Variants in CCBE1 observed in about 807,000 individuals in gnomAD.
CCBE1 encodes the protein collagen and calcium-binding EGF domain-containing protein 1.
In CCBE1, 37 loss-of-function variants were observed where a neutral mutation model predicts 50.0. The observed-to-expected ratio is 0.74, with a 90% CI of 0.57 to 0.97. CCBE1 has a LOEUF of 0.97. CCBE1 is among the 50% of genes least tolerant of loss of function. The probability of loss-of-function intolerance (pLI) is 0.00; values close to 1 mark genes in which losing one functional copy is unlikely to be tolerated. For synonymous variants in CCBE1, 234 were observed against 203.7 expected, an observed-to-expected ratio of 1.15 and a Z score of -1.27; for missense variants, 538 against 523.8, an observed-to-expected ratio of 1.03 and a Z score of -0.26.
intron 2 of CCBE1, among the ~76,000 whole-genome samples, chr18:59,622,874 G>T (rs2053732162): frequency 6.6e-6 from 1 of 151,012 alleles, no homozygotes; most frequent in Admixed American, 6.6e-5. Context: ...AGAGAGGGAG[G>T]GATAGGGGGA....
intron 2 of CCBE1, among the ~76,000 whole-genome samples, chr18:59,622,602 A>G (rs1471328226): frequency 6.6e-6 from 1 of 151,678 alleles, no homozygotes; most frequent in Non-Finnish European, 1.5e-5. Context: ...GGAATTCTAG[A>G]CCAGCCTGAC....
At chr18:59,542,643 A>G (rs1345292939) in intron 2 of CCBE1, among the ~76,000 whole-genome samples, 3 of 152,216 alleles carry the variant, frequency 2.0e-5, no homozygotes, top group Non-Finnish European at 2.9e-5. Flanking sequence ...AAGAATTTAT[A>G]TAATAGTGCT....
chr18:59,435,899 T>TG lies in CCBE1; in HGVS notation c.*8dup. The TG allele has an allele frequency of 6.2e-7, 1 of 1,609,910 alleles. No homozygotes were observed. The highest frequency in any genetic ancestry group is 8.5e-7 in the Non-Finnish European group (1 of 1,176,224). ...TTCTCTTCCTTTGGCGTGACGGTGT[T>TG]GGGATGTGCTATGGGTAGAAGTCTC... On this transcript the variant is annotated 3_prime_UTR_variant, in exon 11 of 11. Transcript: ENST00000439986.
At position 59,488,834 on chromosome 18, in the gene CCBE1, C is replaced by T. The variant is rs1411296562; in HGVS notation, c.213-8596G>A. Among the ~76,000 whole-genome samples, 3 of 152,206 alleles carry T rather than the reference C, an allele frequency of 2.0e-5. No individual in the cohort carries two copies. The East Asian group carries it at 5.8e-4, about 29-fold the overall frequency. On this transcript the variant is annotated intron_variant, in intron 2 of 10. Transcript: ENST00000439986. ...AAGCGCTGGCATGCATCAAGCCCAACAGCACATGTAAAAAGACATCTGCTG... is the reference window on the plus strand; with the variant it reads ...AAGCGCTGGCATGCATCAAGCCCAATAGCACATGTAAAAAGACATCTGCTG...
intron 2 of CCBE1, among the ~76,000 whole-genome samples, chr18:59,641,582 T>C (rs1331864003): frequency 6.6e-6 from 1 of 152,164 alleles, no homozygotes; most frequent in East Asian, 1.9e-4. Flanking sequence ...AACCTGCACA[T>C]GTACCCCTGA....
At chr18:59,590,683 G>T (rs1337993413) in intron 2 of CCBE1, among the ~76,000 whole-genome samples, 1 of 152,186 alleles carries the variant, frequency 6.6e-6, no homozygotes, top group Non-Finnish European at 1.5e-5. Context: ...GAGACCAATG[G>T]ATTAGAGCAG....
At chr18:59,493,079 A>G (rs749219656) in intron 2 of CCBE1, among the ~76,000 whole-genome samples, 6 of 152,230 alleles carry the variant, frequency 3.9e-5, no homozygotes, top group Non-Finnish European at 8.8e-5. Context: ...ATCTGTAAAT[A>G]CAATTTGCTG....
chr18:59,625,477 G>T (rs1420738796), intron 2 of CCBE1, among the ~76,000 whole-genome samples: 2 of 149,590 alleles, frequency 1.3e-5, no homozygotes, highest in African/African-American at 5.0e-5. Context: ...ACTGATGCTT[G>T]CAGGGACTTC....
rs965776247 is a variant in CCBE1, at chr18:59,506,878, C to T, written c.213-26640G>A. 3.3e-5 allele frequency among the ~76,000 whole-genome samples: 5 copies of T among 152,218 alleles called. No individual in the cohort carries two copies. The East Asian group carries it at 9.6e-4, about 29-fold the overall frequency. The stretch of plus-strand genomic sequence containing the variant: ...TAAATTTTTGCTTCCCATAAAGTGA[C>T]TATTAGTCTCCCCAGATATAGAAGA... On this transcript the variant is annotated intron_variant, in intron 2 of 10. Coordinates refer to ENST00000439986, the MANE Select transcript of CCBE1 (RefSeq NM_133459.4).
intron 2 of CCBE1, among the ~76,000 whole-genome samples, chr18:59,513,675 C>T (rs1003445550): frequency 6.6e-6 from 1 of 152,202 alleles, no homozygotes; most frequent in African/African-American, 2.4e-5. Flanking sequence ...TAGCTTCTGG[C>T]TATCCTGAAA....
intron 2 of CCBE1, among the ~76,000 whole-genome samples, chr18:59,683,033 G>T (rs1244071195): frequency 1.3e-5 from 2 of 152,094 alleles, no homozygotes; most frequent in East Asian, 3.8e-4. Context: ...CCATTCCCTT[G>T]GGTAGGTCAG....
In CCBE1 at chr18:59,432,596, T is replaced by C. The variant is rs939728148; in HGVS notation, c.*3312A>G. The C allele has an allele frequency of 1.3e-5, 2 of 152,192 alleles. No individual in the cohort carries two copies. Among genetic ancestry groups the C allele is most frequent in the African/African-American group, 4.8e-5 (2 of 41,442 alleles). 9.4% of individuals were successfully genotyped at this position (152,192 alleles called of 1,614,324 possible). ...ATATGATTTGGGCATAAAAAGTACA[T>C]ATCAGTCTTGCAGTAGTCCAAGTTT... On this transcript the variant is annotated 3_prime_UTR_variant, in exon 11 of 11. Transcript: ENST00000439986.
At chr18:59,545,083 C>G (rs1048177970) in intron 2 of CCBE1, among the ~76,000 whole-genome samples, 1 of 152,002 alleles carries the variant, frequency 6.6e-6, no homozygotes, top group African/African-American at 2.4e-5. Context: ...TTAATTTTTC[C>G]AGAATAGAAA....
At chr18:59,587,126 T>A (rs2053189604) in intron 2 of CCBE1, among the ~76,000 whole-genome samples, 1 of 152,238 alleles carries the variant, frequency 6.6e-6, no homozygotes, top group South Asian at 2.1e-4. Flanking sequence ...GCACAGAATA[T>A]CTAACTCCAC....
intron 3 of CCBE1, among the ~76,000 whole-genome samples, chr18:59,476,271 C>T (rs1438597494): frequency 6.6e-6 from 1 of 152,222 alleles, no homozygotes; most frequent in African/African-American, 2.4e-5. Context: ...GCTTTACCTG[C>T]TCTTCTGCTT....
intron 2 of CCBE1, among the ~76,000 whole-genome samples, chr18:59,566,654 A>T (rs1368061052): frequency 6.7e-6 from 1 of 149,544 alleles, no homozygotes; most frequent in Non-Finnish European, 1.5e-5. Context: ...TCATGTTTGC[A>T]AATGCTGCTA....
At chr18:59,533,404 G>A (rs547148484) in intron 2 of CCBE1, among the ~76,000 whole-genome samples, 45 of 152,114 alleles carry the variant, frequency 3.0e-4, no homozygotes, top group South Asian at 6.2e-4. Flanking sequence ...TCCCATAAAA[G>A]GCCAGTTATT....
At chr18:59,689,277 C>T (rs139997508) in intron 2 of CCBE1, among the ~76,000 whole-genome samples, 8 of 152,284 alleles carry the variant, frequency 5.3e-5, no homozygotes, top group Middle Eastern at 3.4e-3. Context: ...GGATGAGAAG[C>T]TTCACTCCAG....
rs145700835 is a variant in CCBE1, at chr18:59,531,844, G to GT, written c.213-51607dup. On this transcript the variant is annotated intron_variant, in intron 2 of 10. Transcript: ENST00000439986. ...TGCTTTCTAGAATCTACAAATGGGG[G>GT]TGGGAAAGGTACTCAAGACCGAAAC... 2.7e-3 allele frequency among the ~76,000 whole-genome samples: 407 copies of GT among 152,310 alleles called. 1 individual carries two copies. The highest frequency in any genetic ancestry group is 9.2e-3 in the African/African-American group (382 of 41,576).
Sources: allele counts gnomAD v4.1 joint callset (sites outside exome capture counted in the v4.1 genomes callset), GRCh38; gene constraint gnomAD v4.1.1; transcripts MANE v1.5; gene names NCBI Gene and HGNC (gene_info 2026-07-23, HGNC 2026-07-21).